Variants in MAP3K20 observed in about 807,000 individuals in gnomAD.
The protein encoded by MAP3K20 is HCCS-4.
Under a neutral mutation model 85.7 loss-of-function variants are expected in MAP3K20, and 40 were observed. The observed-to-expected ratio is 0.47, with a 90% CI of 0.36 to 0.61. The LOEUF is 0.61. Among genes scored for constraint, MAP3K20 ranks in the 20% least tolerant of loss-of-function variants. The pLI is 0.00. For missense variants in MAP3K20, 817 were observed against 961.7 expected (o/e 0.85, Z 1.99); for synonymous variants, 325 against 327.7 (o/e 0.99, Z 0.09).
Position 173,258,776 on chromosome 2 carries a change from C to G in MAP3K20, c.1437C>G (p.Asn479Lys). 1 of 1,612,176 alleles carries G rather than the reference C, an allele frequency of 6.2e-7. No individual in the cohort carries two copies. Among genetic ancestry groups the G allele is most frequent in the South Asian group, 1.1e-5 (1 of 90,964 alleles). ...CCTACATAAAAGATGTGACATTCAA[C>G]ACTAACCTACCTGATGCGGAGATTT... ...AITYIKDVTF[N>K]TNLPDAEILK... is the part of the protein sequence containing the mutation. The change falls in exon 17 of 20, where the codon AAC becomes AAG. Residue 479 changes from asparagine (N) to lysine (K), a missense_variant. Transcript: ENST00000375213.
chr2:173,142,212 G>A (rs1037408985), intron 2 of MAP3K20, among the ~76,000 whole-genome samples: 13 of 152,140 alleles, frequency 8.5e-5, no homozygotes, highest in African/African-American at 3.1e-4. Context: ...AGTGGCTCAC[G>A]CCTATATCCC....
chr2:173,196,140 T>C (rs1201689392), intron 7 of MAP3K20, among the ~76,000 whole-genome samples: 2 of 152,270 alleles, frequency 1.3e-5, no homozygotes, highest in East Asian at 1.9e-4. Flanking sequence ...ATCTGTGCGT[T>C]TGGGGGTCTG....
At chr2:173,110,241 A>ATATT (rs1687929153) in intron 2 of MAP3K20, among the ~76,000 whole-genome samples, 2 of 14,232 alleles carry the variant, frequency 1.4e-4, no homozygotes, top group African/African-American at 5.7e-4. Flanking sequence ...ATATATATAT[A>ATATT]TTTTTTTTTT....
At chr2:173,179,609 A>C (rs138188483) in intron 3 of MAP3K20, among the ~76,000 whole-genome samples, 1 of 152,060 alleles carries the variant, frequency 6.6e-6, no homozygotes, top group East Asian at 1.9e-4. Flanking sequence ...CAGTGTGATC[A>C]GGCAAGAAAA....
intron 16 of MAP3K20, among the ~76,000 whole-genome samples, chr2:173,247,284 T>G (rs1382575688): frequency 6.6e-6 from 1 of 152,136 alleles, no homozygotes; most frequent in East Asian, 1.9e-4. Flanking sequence ...CTTAGTTGAA[T>G]CTCCAGGCCC....
intron 16 of MAP3K20, among the ~76,000 whole-genome samples, chr2:173,240,836 C>T (rs1583784): frequency 0.68 from 103,529 of 152,074 alleles, 35,435 homozygotes; most frequent in East Asian, 0.84. Context: ...TGCAGCACTG[C>T]GCACAAAATC....
At chr2:173,078,346 G>T (rs3769208) in intron 1 of MAP3K20, among the ~76,000 whole-genome samples, 9,553 of 152,270 alleles carry the variant, frequency 0.063, 968 homozygotes, top group East Asian at 0.54. Flanking sequence ...ACCCAGGACA[G>T]ATTGACAGGG....
At position 173,239,320 on chromosome 2, in the gene MAP3K20, A is replaced by C. The variant is rs568539163; in HGVS notation, c.1267-84A>C. 63 of 1,171,786 alleles carry C rather than the reference A, an allele frequency of 5.4e-5. No homozygotes were observed. The African/African-American group carries it at 8.7e-4, about 16-fold the overall frequency. The allele number at this position is 1,171,786 out of a possible 1,614,324, so 72.6% of individuals were successfully genotyped here. On this transcript the variant is annotated intron_variant, in intron 15 of 19. Coordinates refer to ENST00000375213, the MANE Select transcript of MAP3K20 (RefSeq NM_016653.3). ...AATAGATTAGAATAGAAAAAAAAAA[A>C]AAACTAGTGCCAAGATATCATCTTC...
chr2:173,222,882 A>G (rs1684289011), intron 11 of MAP3K20: 7 of 985,078 alleles, frequency 7.1e-6, no homozygotes, highest in Non-Finnish European at 8.4e-6. Context: ...TAAATTATAA[A>G]ACACTTTTAA....
chr2:173,148,913 T>C (rs1159016162), intron 2 of MAP3K20, among the ~76,000 whole-genome samples: 1 of 152,234 alleles, frequency 6.6e-6, no homozygotes, highest in East Asian at 1.9e-4. Flanking sequence ...CCTCTTCTTC[T>C]GTTTCCTGCT....
Position 173,263,873 on chromosome 2 carries a change from C to T in MAP3K20, c.1680C>T (p.Asn560=). ...IQTLFTNSDG[N]PGSRSDSSAD... ...CATTATTCACCAATTCAGATGGCAA[C>T]CCTGGAAGCAGGTCCGACTCAAGTA... Residue 560 remains asparagine (N), a synonymous_variant, in exon 19 of 20, where the codon AAC becomes AAT. Coordinates refer to ENST00000375213, the MANE Select transcript of MAP3K20 (RefSeq NM_016653.3). 1 of 1,611,492 alleles carries T rather than the reference C, an allele frequency of 6.2e-7. No individual in the cohort carries two copies. Among genetic ancestry groups the T allele is most frequent in the Non-Finnish European group, 8.5e-7 (1 of 1,179,390 alleles).
chr2:173,246,603 T>C (rs1684919865), intron 16 of MAP3K20, among the ~76,000 whole-genome samples: 1 of 152,182 alleles, frequency 6.6e-6, no homozygotes, highest in Non-Finnish European at 1.5e-5. Context: ...TTTTTGAGAC[T>C]TCGTGTGTCA....
intron 2 of MAP3K20, among the ~76,000 whole-genome samples, chr2:173,127,257 C>G (rs990512999): frequency 2.0e-5 from 3 of 152,202 alleles, no homozygotes; most frequent in Admixed American, 6.5e-5. Context: ...ATTTCCTCTT[C>G]ATTTAAGAAT....
chr2:173,226,055 A>G (rs1349496250), intron 11 of MAP3K20: 6 of 985,198 alleles, frequency 6.1e-6, no homozygotes, highest in Non-Finnish European at 7.2e-6. Flanking sequence ...CCTACAGCTC[A>G]CTGTTTTTGG....
chr2:173,231,684 A>G (rs1684526133), intron 12 of MAP3K20, among the ~76,000 whole-genome samples: 1 of 152,154 alleles, frequency 6.6e-6, no homozygotes, highest in Non-Finnish European at 1.5e-5. Flanking sequence ...CCTGTGATAT[A>G]CAGGGACTAA....
chr2:173,191,630 A>G (rs765770770), intron 7 of MAP3K20, among the ~76,000 whole-genome samples: 2 of 152,268 alleles, frequency 1.3e-5, no homozygotes, highest in Non-Finnish European at 2.9e-5. Flanking sequence ...AGTCTCAACT[A>G]TTAAACTGAT....
chr2:173,255,519 A>G (rs1685138199), intron 16 of MAP3K20, among the ~76,000 whole-genome samples: 1 of 152,232 alleles, frequency 6.6e-6, no homozygotes, highest in South Asian at 2.1e-4. Context: ...TGGATATCCA[A>G]TAAAACAGCA....
intron 2 of MAP3K20, among the ~76,000 whole-genome samples, chr2:173,158,277 G>A (rs1356727204): frequency 6.6e-6 from 1 of 152,128 alleles, no homozygotes; most frequent in Non-Finnish European, 1.5e-5. Context: ...CTTTGAGCAG[G>A]GGAAAGCTTT....
At chr2:173,087,567 A>G (rs545999654) in intron 1 of MAP3K20, among the ~76,000 whole-genome samples, 23 of 152,368 alleles carry the variant, frequency 1.5e-4, no homozygotes, top group Admixed American at 1.0e-3. Context: ...ATTCCTAAAC[A>G]TATCCTATTA....
Sources: gnomAD v4.1 joint callset for allele counts (sites outside exome capture counted in the v4.1 genomes callset) on GRCh38, gnomAD v4.1.1 for gene constraint, MANE v1.5 for transcripts, NCBI Gene and HGNC (gene_info 2026-07-23, HGNC 2026-07-21) for gene names.